ANKRD11: variants seen among roughly 807,000 people sequenced by gnomAD.
The protein encoded by ANKRD11 is ankyrin repeat domain 11.
ANKRD11 carries 17 observed loss-of-function variants against 195.7 expected under a neutral mutation model. The ratio of observed to expected loss-of-function variants is 0.09; its 90% confidence interval spans 0.06 to 0.13. The LOEUF (loss-of-function observed/expected upper bound fraction) is 0.13, where lower values mean the gene tolerates loss of function less well. Among genes scored for constraint, ANKRD11 ranks in the 10% least tolerant of loss-of-function variants. ANKRD11 has a pLI of 1.00. For synonymous variants in ANKRD11, 1,953 were observed against 1,528.1 expected, an observed-to-expected ratio of 1.28 and a Z score of -6.49; for missense variants, 3,735 against 3,566.1, an observed-to-expected ratio of 1.05 and a Z score of -1.21.
At chr16:89,395,477 T>A (rs1337535502) in intron 2 of ANKRD11, among the ~76,000 whole-genome samples, 2 of 152,094 alleles carry the variant, frequency 1.3e-5, no homozygotes, top group Non-Finnish European at 2.9e-5. Context: ...GCTGCTTCTG[T>A]GAGCATGCGC....
intron 2 of ANKRD11, among the ~76,000 whole-genome samples, chr16:89,415,844 A>G (rs554128282): frequency 6.9e-6 from 1 of 145,928 alleles, no homozygotes; most frequent in African/African-American, 2.5e-5. Context: ...AAAAAAAAAA[A>G]AAAAAACAAT....
chr16:89,435,051 C>T (rs1247997748), intron 1 of ANKRD11, among the ~76,000 whole-genome samples: 1 of 152,192 alleles, frequency 6.6e-6, no homozygotes, highest in Non-Finnish European at 1.5e-5. Flanking sequence ...GCTTCTGGGT[C>T]GGGTGGGGAC....
intron 2 of ANKRD11, chr16:89,360,860 C>T (rs185536998): frequency 2.6e-5 from 4 of 152,376 alleles, no homozygotes; most frequent in Non-Finnish European, 1.5e-5. Flanking sequence ...CTGCATGAAG[C>T]CTCTCTGCAT....
intron 1 of ANKRD11, among the ~76,000 whole-genome samples, chr16:89,466,200 C>T (rs1412410140): frequency 6.6e-6 from 1 of 152,008 alleles, no homozygotes. Context: ...CGAGCCCCCA[C>T]CTGCTGACAG....
At chr16:89,372,159 AC>A (rs1259411494) in intron 2 of ANKRD11, among the ~76,000 whole-genome samples, 1 of 152,206 alleles carries the variant, frequency 6.6e-6, no homozygotes, top group African/African-American at 2.4e-5. Context: ...GGGAAGAAGG[AC>A]CGGCGCCCAC....
At chr16:89,274,787 T>C (rs1010790884) in intron 11 of ANKRD11, 27 bp downstream of exon 11, 20 of 1,606,348 alleles carry the variant, frequency 1.2e-5, no homozygotes, top group Non-Finnish European at 1.4e-5. Flanking sequence ...CTTGGACTCA[T>C]GGGCCTGGCA....
chr16:89,289,168 C>G (rs568598057), intron 6 of ANKRD11, among the ~76,000 whole-genome samples: 1 of 152,294 alleles, frequency 6.6e-6, no homozygotes, highest in East Asian at 1.9e-4. Flanking sequence ...CAGCTCCTGG[C>G]TGGGGAGCTT....
chr16:89,460,514 G>GTGCC (rs1223176676), intron 1 of ANKRD11, among the ~76,000 whole-genome samples: 2 of 152,158 alleles, frequency 1.3e-5, no homozygotes, highest in Non-Finnish European at 2.9e-5. Context: ...AGCCAAGATA[G>GTGCC]TGCCATTGCA....
chr16:89,292,937 T>C (rs1001747019), intron 4 of ANKRD11, among the ~76,000 whole-genome samples: 2 of 152,118 alleles, frequency 1.3e-5, no homozygotes, highest in African/African-American at 4.8e-5. Flanking sequence ...TAGCCACCTC[T>C]AAACAACAGA....
intron 1 of ANKRD11, among the ~76,000 whole-genome samples, chr16:89,424,836 C>T (rs1167125993): frequency 1.3e-5 from 2 of 152,062 alleles, no homozygotes; most frequent in Non-Finnish European, 2.9e-5. Flanking sequence ...GGGACGGGGG[C>T]CCCCAGTGGT....
intron 3 of ANKRD11, among the ~76,000 whole-genome samples, chr16:89,308,237 C>A (rs983105827): frequency 6.6e-6 from 1 of 152,172 alleles, no homozygotes; most frequent in African/African-American, 2.4e-5. Context: ...TTCGAGAATG[C>A]AAGACATTTA....
At position 89,280,288 on chromosome 16, in the gene ANKRD11, C is replaced by A. The variant is rs755786402; in HGVS notation, c.6254G>T (p.Cys2085Phe). 1 of 1,602,318 alleles carries A rather than the reference C, an allele frequency of 6.2e-7. No homozygotes were observed. Residue 2085 changes from cysteine to phenylalanine, a missense_variant, in exon 9 of 13, where the codon TGT becomes TTT. Cys to Phe is a radical substitution (Grantham distance 205, BLOSUM62 -2). Transcript: ENST00000301030. ...APLDVAPEPACVAAVAQVEAL... is the reference protein window; with the variant it reads ...APLDVAPEPAFVAAVAQVEAL... ...CTCCACCTGAGCCACAGCGGCTACA[C>A]AGGCGGGCTCGGGGGCCACGTCCAG...
intron 2 of ANKRD11, among the ~76,000 whole-genome samples, chr16:89,323,599 G>C (rs1326578405): frequency 4.9e-5 from 4 of 80,972 alleles, no homozygotes; most frequent in Admixed American, 4.8e-4. Flanking sequence ...CAGGGGGGCT[G>C]AGCCCGGGGC....
intron 2 of ANKRD11, among the ~76,000 whole-genome samples, chr16:89,332,958 C>G (rs557521883): frequency 6.6e-6 from 1 of 152,258 alleles, no homozygotes; most frequent in South Asian, 2.1e-4. Flanking sequence ...AACAGAACAG[C>G]GGGGCTGCTC....
chr16:89,403,227 C>G (rs928382877), intron 2 of ANKRD11, among the ~76,000 whole-genome samples: 2 of 152,206 alleles, frequency 1.3e-5, no homozygotes, highest in African/African-American at 4.8e-5. Context: ...TTCTGCTTTA[C>G]GGGCACTGAC....
chr16:89,462,390 G>C (rs2152334921), intron 1 of ANKRD11, among the ~76,000 whole-genome samples: 1 of 152,348 alleles, frequency 6.6e-6, no homozygotes, highest in Middle Eastern at 3.4e-3. Flanking sequence ...GCCCAGGCTG[G>C]AGTGCAGTGG....
intron 2 of ANKRD11, among the ~76,000 whole-genome samples, chr16:89,416,777 A>AAG (rs2042328466): frequency 6.6e-6 from 1 of 151,890 alleles, no homozygotes; most frequent in Non-Finnish European, 1.5e-5. Context: ...AAAAAAAAAA[A>AAG]AAAAATTAAA....
chr16:89,399,077 G>A (rs767291221), intron 2 of ANKRD11, among the ~76,000 whole-genome samples: 6 of 152,206 alleles, frequency 3.9e-5, no homozygotes, highest in Non-Finnish European at 7.3e-5. Context: ...AACAGAAACT[G>A]CATCATCCCT....
chr16:89,422,486 C>G (rs970068482), intron 1 of ANKRD11, among the ~76,000 whole-genome samples: 6 of 152,162 alleles, frequency 3.9e-5, no homozygotes, highest in African/African-American at 1.4e-4. Context: ...GGCATCCTAC[C>G]GGACTCCACT....
Sources: allele counts gnomAD v4.1 joint callset (sites outside exome capture counted in the v4.1 genomes callset), GRCh38; gene constraint gnomAD v4.1.1; transcripts MANE v1.5; gene names NCBI Gene and HGNC (gene_info 2026-07-23, HGNC 2026-07-21).